The following ENPP2 variants were observed in gnomAD, a reference collection of about 807,000 sequenced individuals.
ENPP2 encodes the protein autotaxin.
ENPP2 carries 51 observed loss-of-function variants against 120.2 expected under a neutral mutation model. The ratio of observed to expected loss-of-function variants is 0.42; its 90% confidence interval spans 0.34 to 0.54. The LOEUF is 0.54. Ranked by LOEUF, ENPP2 falls within the 20% of genes least tolerant of loss-of-function variation. ENPP2 has a pLI of 0.04. For missense variants in ENPP2, 920 were observed against 1,066.5 expected (o/e 0.86, Z 1.91); for synonymous variants, 365 against 366.4 (o/e 1.00, Z 0.04).
At chr8:119,634,326 T>C (rs974275953) in intron 2 of ENPP2, among the ~76,000 whole-genome samples, 1 of 152,150 alleles carries the variant, frequency 6.6e-6, no homozygotes, top group Non-Finnish European at 1.5e-5. Context: ...CTTCAACATC[T>C]AAACCACTTA....
rs1208632359 is a variant in ENPP2, at chr8:119,586,272, C to G, written c.1281G>C (p.Gln427His). 1 of 1,613,800 alleles carries G rather than the reference C, an allele frequency of 6.2e-7. No homozygotes were observed. Residue 427 changes from glutamine (Q) to histidine (H), a missense_variant, in exon 15 of 25, where the codon CAG (glutamine) becomes CAC (histidine). By Grantham distance (24) the Gln-to-His change is conservative. Transcript: ENST00000075322. Reference protein sequence around the residue: ...PDQHFKPYLKQHLPKRLHYAN... With the variant: ...PDQHFKPYLKHHLPKRLHYAN... ...CATAGTGCAAACGTTTGGGAAGGTG[C>G]TGTTTCAAGTAAGGCTTAAAGTGCT...
chr8:119,650,122 G>A (rs189321639), intron 1 of ENPP2, among the ~76,000 whole-genome samples: 45 of 152,218 alleles, frequency 3.0e-4, no homozygotes, highest in African/African-American at 1.0e-3. Flanking sequence ...AAACGAAATG[G>A]GGTATATCCA....
At chr8:119,620,469 A>G (rs2130733983) in intron 4 of ENPP2, among the ~76,000 whole-genome samples, 1 of 152,358 alleles carries the variant, frequency 6.6e-6, no homozygotes, top group South Asian at 2.1e-4. Flanking sequence ...TGCCACAACT[A>G]AACACCTTAC....
At chr8:119,672,362 A>T (rs1818275900) in intron 1 of ENPP2, among the ~76,000 whole-genome samples, 2 of 152,174 alleles carry the variant, frequency 1.3e-5, no homozygotes, top group Non-Finnish European at 2.9e-5. Context: ...CCTGCTGGGC[A>T]CTAGAGCGGC....
intron 11 of ENPP2, among the ~76,000 whole-genome samples, chr8:119,596,527 G>A (rs1197150217): frequency 6.6e-6 from 1 of 152,074 alleles, no homozygotes; most frequent in Non-Finnish European, 1.5e-5. Flanking sequence ...ACCTTCATTG[G>A]CAAGGATCCA....
intron 8 of ENPP2, among the ~76,000 whole-genome samples, chr8:119,609,262 C>T (rs1372310374): frequency 6.6e-6 from 1 of 152,166 alleles, no homozygotes; most frequent in Non-Finnish European, 1.5e-5. Context: ...AAATCCTCAG[C>T]CCCAAACTAA....
At chr8:119,587,440 C>T (rs1813192655) in intron 13 of ENPP2, among the ~76,000 whole-genome samples, 2 of 152,202 alleles carry the variant, frequency 1.3e-5, no homozygotes, top group South Asian at 2.1e-4. Flanking sequence ...AGGAACTAAA[C>T]TGGGCATTTG....
chr8:119,636,182 T>C (rs1816989121), intron 2 of ENPP2, among the ~76,000 whole-genome samples: 1 of 152,232 alleles, frequency 6.6e-6, no homozygotes, highest in South Asian at 2.1e-4. Flanking sequence ...CCCAGTATTT[T>C]CTGATGGGAA....
chr8:119,563,021 A>T lies in ENPP2; in HGVS notation c.2265-8T>A, dbSNP rs1281539906. 6.2e-7 allele frequency: 1 copy of T among 1,611,482 alleles called. No homozygotes were observed. Among genetic ancestry groups the T allele is most frequent in the Non-Finnish European group, 8.5e-7 (1 of 1,178,390 alleles). ...GAACTGCCTTCCACGTACCTGAAAC[A>T]GGAAGGTAAAACGAAGTCACAGTTG... On this transcript the variant is annotated splice_region_variant and splice_polypyrimidine_tract_variant and intron_variant, in intron 23 of 24. Transcript: ENST00000075322.
intron 4 of ENPP2, among the ~76,000 whole-genome samples, chr8:119,620,385 G>T (rs1350739385): frequency 6.6e-6 from 1 of 152,164 alleles, no homozygotes; most frequent in African/African-American, 2.4e-5. Flanking sequence ...TAATTATTGG[G>T]TAGGGGAAAT....
intron 2 of ENPP2, among the ~76,000 whole-genome samples, chr8:119,635,505 C>T (rs898135504): frequency 1.3e-5 from 2 of 152,224 alleles, no homozygotes; most frequent in Non-Finnish European, 2.9e-5. Flanking sequence ...TGCAAGTGCA[C>T]ATGAGTGCAC....
At chr8:119,636,784 T>TTA (rs1817024991) in intron 2 of ENPP2, among the ~76,000 whole-genome samples, 1 of 149,050 alleles carries the variant, frequency 6.7e-6, no homozygotes, top group South Asian at 2.1e-4. Flanking sequence ...TTCCTGGGAT[T>TTA]TTTTTTTTTT....
At chr8:119,666,551 C>T (rs750130133) in intron 1 of ENPP2, among the ~76,000 whole-genome samples, 3 of 152,186 alleles carry the variant, frequency 2.0e-5, no homozygotes, top group South Asian at 2.1e-4. Context: ...GAGGCCGAGG[C>T]GGGCAGATCA....
intron 1 of ENPP2, among the ~76,000 whole-genome samples, chr8:119,670,938 T>C (rs1469384644): frequency 6.6e-6 from 1 of 152,076 alleles, no homozygotes; most frequent in Middle Eastern, 3.2e-3. Context: ...AAAATGGGAA[T>C]CTGCTGAAGA....
chr8:119,655,656 A>T (rs1471982360), intron 1 of ENPP2, among the ~76,000 whole-genome samples: 1 of 152,228 alleles, frequency 6.6e-6, no homozygotes, highest in African/African-American at 2.4e-5. Context: ...AAGAACTAAA[A>T]TGTCACAGAT....
intron 2 of ENPP2, among the ~76,000 whole-genome samples, chr8:119,627,231 A>G (rs1227464719): frequency 6.6e-6 from 1 of 152,210 alleles, no homozygotes; most frequent in African/African-American, 2.4e-5. Context: ...TGAGATTGGA[A>G]TAGAAGACTT....
chr8:119,625,700 A>T (rs1483207186), intron 3 of ENPP2, among the ~76,000 whole-genome samples: 1 of 152,214 alleles, frequency 6.6e-6, no homozygotes, highest in East Asian at 1.9e-4. Context: ...TGTTGTCCAG[A>T]AGCATGGTGG....
chr8:119,608,711 G>A (rs1050375708), intron 8 of ENPP2, among the ~76,000 whole-genome samples: 1 of 152,088 alleles, frequency 6.6e-6, no homozygotes. Flanking sequence ...TAGTCCTTTG[G>A]CAAGTTACTT....
rs767858173 is a variant in ENPP2, at chr8:119,601,439, A to G, written c.857T>C (p.Ile286Thr). 2.5e-6 allele frequency: 4 copies of G among 1,613,210 alleles called. No homozygotes were observed. In the Admixed American group the frequency reaches 6.7e-5, roughly 27 times the overall value. The change falls in exon 10 of 25, where the codon ATA becomes ACA. Residue 286 changes from isoleucine (I) to threonine (T), a missense_variant. By Grantham distance (89) the Ile-to-Thr change is moderately conservative (BLOSUM62 -1). Coordinates refer to ENST00000075322, the MANE Select transcript of ENPP2 (RefSeq NM_001040092.3). ...WSVVIPHERR[I>T]LTILQWLTLP... ...GGTGAGCCACTGCAATATGGTTAATATTCTCCGCTCGTGAGGGATGACACT... is the reference window on the plus strand; with the variant it reads ...GGTGAGCCACTGCAATATGGTTAATGTTCTCCGCTCGTGAGGGATGACACT...
Sources: gnomAD v4.1 joint callset for allele counts (sites outside exome capture counted in the v4.1 genomes callset) on GRCh38, gnomAD v4.1.1 for gene constraint, MANE v1.5 for transcripts, NCBI Gene and HGNC (gene_info 2026-07-23, HGNC 2026-07-21) for gene names.